Variants in DPYD observed in about 807,000 individuals in gnomAD.
The protein encoded by DPYD is dihydropyrimidine dehydrogenase [NADP(+)].
In DPYD, 109 loss-of-function variants were observed where a neutral mutation model predicts 116.2. That is an observed-to-expected ratio of 0.94 (90% CI 0.80 to 1.10). The LOEUF (loss-of-function observed/expected upper bound fraction) is 1.10. Among genes scored for constraint, DPYD ranks in the 50% least tolerant of loss-of-function variants. The pLI, the probability that DPYD is intolerant of heterozygous loss-of-function variation, is 0.00. For missense variants in DPYD, 1,302 were observed against 1,254.5 expected (o/e 1.04, Z -0.57); for synonymous variants, 440 against 432.0 (o/e 1.02, Z -0.23).
chr1:97,662,291 C>T (rs890312795), intron 8 of DPYD, among the ~76,000 whole-genome samples: 1 of 151,764 alleles, frequency 6.6e-6, no homozygotes, highest in East Asian at 2.0e-4. Flanking sequence ...TGTCAGCCAC[C>T]GCACCTGGCC....
intron 7 of DPYD, among the ~76,000 whole-genome samples, chr1:97,687,732 C>T (rs1350899776): frequency 6.6e-6 from 1 of 152,032 alleles, no homozygotes; most frequent in African/African-American, 2.4e-5. Flanking sequence ...AACCAAAATG[C>T]CCATCAATAA....
At chr1:97,186,350 A>C (rs1657993465) in intron 20 of DPYD, among the ~76,000 whole-genome samples, 1 of 152,140 alleles carries the variant, frequency 6.6e-6, no homozygotes, top group Non-Finnish European at 1.5e-5. Context: ...AGTAATGTAC[A>C]TTGTACCCGT....
At chr1:97,461,999 A>AT (rs1218718764) in intron 13 of DPYD, among the ~76,000 whole-genome samples, 7 of 150,988 alleles carry the variant, frequency 4.6e-5, no homozygotes, top group South Asian at 2.1e-4. Flanking sequence ...TGTCCTCTCA[A>AT]TTTTTTTTTT....
intron 1 of DPYD, among the ~76,000 whole-genome samples, chr1:97,908,454 C>G (rs1673760253): frequency 6.6e-6 from 1 of 152,026 alleles, no homozygotes; most frequent in Non-Finnish European, 1.5e-5. Context: ...ACCACACCCT[C>G]TACCCAGATT....
chr1:97,783,758 C>CA (rs1226508931), intron 3 of DPYD, among the ~76,000 whole-genome samples: 1 of 152,088 alleles, frequency 6.6e-6, no homozygotes, highest in Non-Finnish European at 1.5e-5. Context: ...CTGGAAAAGA[C>CA]AAAAAAAGTT....
chr1:97,465,864 A>T (rs1053113603), intron 13 of DPYD, among the ~76,000 whole-genome samples: 7 of 152,116 alleles, frequency 4.6e-5, no homozygotes, highest in Non-Finnish European at 1.0e-4. Context: ...CAGGCTCTTA[A>T]CCTCACCAAA....
chr1:97,865,192 T>C (rs1300539136), intron 2 of DPYD, among the ~76,000 whole-genome samples: 2 of 151,882 alleles, frequency 1.3e-5, no homozygotes, highest in East Asian at 1.9e-4. Flanking sequence ...CTTGTCTGCC[T>C]ATTATTTGGA....
chr1:97,430,676 A>G (rs1387258640), intron 14 of DPYD, among the ~76,000 whole-genome samples: 2 of 152,110 alleles, frequency 1.3e-5, no homozygotes, highest in Non-Finnish European at 2.9e-5. Context: ...TGTGCTAAGC[A>G]TGGGGCTTGG....
chr1:97,762,051 A>C (rs914514019), intron 3 of DPYD, among the ~76,000 whole-genome samples: 7 of 152,116 alleles, frequency 4.6e-5, no homozygotes, highest in African/African-American at 1.7e-4. Context: ...ACTACCTATC[A>C]TGTACTATCC....
intron 20 of DPYD, among the ~76,000 whole-genome samples, chr1:97,180,353 T>C (rs192396896): frequency 1.4e-4 from 22 of 152,138 alleles, no homozygotes; most frequent in African/African-American, 5.1e-4. Context: ...ACGGGAGATA[T>C]AACAAATACA....
At chr1:97,845,294 G>A (rs1670237207) in intron 2 of DPYD, among the ~76,000 whole-genome samples, 1 of 152,104 alleles carries the variant, frequency 6.6e-6, no homozygotes, top group African/African-American at 2.4e-5. Flanking sequence ...AGACCAATCA[G>A]CACACACTTA....
At chr1:97,292,238 T>A (rs1055096000) in intron 18 of DPYD, among the ~76,000 whole-genome samples, 4 of 152,136 alleles carry the variant, frequency 2.6e-5, no homozygotes, top group African/African-American at 9.7e-5. Flanking sequence ...ATTGGTCTGT[T>A]CTCATGCTGC....
chr1:97,386,391 C>G (rs1672350475), intron 14 of DPYD, among the ~76,000 whole-genome samples: 1 of 151,788 alleles, frequency 6.6e-6, no homozygotes. Context: ...GCTTACTACA[C>G]TGGGAAAAAA....
intron 11 of DPYD, among the ~76,000 whole-genome samples, chr1:97,566,884 A>C (rs1333489451): frequency 3.3e-5 from 5 of 152,176 alleles, no homozygotes; most frequent in Non-Finnish European, 7.4e-5. Flanking sequence ...TTTCATTATA[A>C]ATTACCAAAT....
At chr1:97,765,972 G>A (rs904647850) in intron 3 of DPYD, among the ~76,000 whole-genome samples, 4 of 152,120 alleles carry the variant, frequency 2.6e-5, no homozygotes, top group East Asian at 3.9e-4. Flanking sequence ...GGCCAGGTGC[G>A]GTGGCTCACG....
chr1:97,229,546 GTATATATATATATATATATA>G (rs55638142), intron 19 of DPYD, among the ~76,000 whole-genome samples: 863 of 58,170 alleles, frequency 0.015, 14 homozygotes, highest in Middle Eastern at 0.083. Context: ...ACCATCCTAA[GTATATATATATATATATATA>G]TATATATATA....
At chr1:97,580,350 C>A (rs1215763556) in intron 10 of DPYD, among the ~76,000 whole-genome samples, 1 of 152,102 alleles carries the variant, frequency 6.6e-6, no homozygotes, top group Non-Finnish European at 1.5e-5. Context: ...CCACTTTGGC[C>A]AGTGATAAAC....
intron 14 of DPYD, among the ~76,000 whole-genome samples, chr1:97,399,266 G>A (rs1408479792): frequency 6.6e-6 from 1 of 152,080 alleles, no homozygotes; most frequent in South Asian, 2.1e-4. Flanking sequence ...TAGATGTGTG[G>A]CATTATTTCT....
In DPYD at chr1:97,705,779, A is replaced by T. The variant is rs530202305; in HGVS notation, c.484-6232T>A. Among the ~76,000 whole-genome samples, 37 of 152,194 alleles carry T rather than the reference A, an allele frequency of 2.4e-4. No individual in the cohort carries two copies. The South Asian group carries it at 4.8e-3, about 20-fold the overall frequency. ...TGTAAAAGTGTTCCTATTTGTCCAC[A>T]TCTTCTCCAGCACCTGTTGTTTCCT... On this transcript the variant is annotated intron_variant, in intron 5 of 22. Coordinates refer to ENST00000370192, the MANE Select transcript of DPYD (RefSeq NM_000110.4).
Sources: gnomAD v4.1 joint callset for allele counts (sites outside exome capture counted in the v4.1 genomes callset) on GRCh38, gnomAD v4.1.1 for gene constraint, MANE v1.5 for transcripts, NCBI Gene and HGNC (gene_info 2026-07-23, HGNC 2026-07-21) for gene names.